JAG1: variants seen among roughly 807,000 people sequenced by gnomAD.
JAG1 encodes the protein protein jagged-1.
JAG1 carries 23 observed loss-of-function variants against 148.7 expected under a neutral mutation model. The observed-to-expected ratio is 0.15, with a 90% confidence interval of 0.11 to 0.22. The LOEUF (loss-of-function observed/expected upper bound fraction) is 0.22, where lower values mean the gene tolerates loss of function less well. Among genes scored for constraint, JAG1 ranks in the 10% least tolerant of loss-of-function variants. JAG1 has a pLI of 1.00. For synonymous variants in JAG1, 572 were observed against 598.3 expected (o/e 0.96, Z 0.64); for missense variants, 1,054 against 1,611.2 (o/e 0.65, Z 5.92).
At chr20:10,667,197 G>A (rs984533822) in intron 2 of JAG1, among the ~76,000 whole-genome samples, 23 of 152,186 alleles carry the variant, frequency 1.5e-4, no homozygotes, top group Non-Finnish European at 2.9e-5. Flanking sequence ...CGCGTGCGGC[G>A]TCCAAAACCC....
chr20:10,652,049 A>T, intron 7 of JAG1, 82 bp downstream of exon 7: 1 of 1,495,960 alleles, frequency 6.7e-7, no homozygotes, highest in Non-Finnish European at 9.3e-7. Context: ...TTTTTTCCTT[A>T]AACAAGTCCT....
At position 10,648,102 on chromosome 20, in the gene JAG1, G is replaced by T; in HGVS notation, c.1578C>A (p.Ile526=). The stretch of plus-strand genomic sequence containing the variant: ...GGCAGGGATTAGGCTCACAATAATC[G>T]ATGTCCAGCTGCAAATATCAGGAAC... ...GFSGNLCQLD[I]DYCEPNPCQN... The change falls in exon 13 of 26, where the codon ATC becomes ATA. Residue 526 remains isoleucine (I), a synonymous_variant. Transcript: ENST00000254958. 6.2e-7 allele frequency: 1 copy of T among 1,614,156 alleles called. No homozygotes were observed. Among genetic ancestry groups the T allele is most frequent in the Non-Finnish European group, 8.5e-7 (1 of 1,180,034 alleles).
At chr20:10,648,519 TTGGCCATC>T (rs2067324349) in intron 12 of JAG1, 22 bp downstream of exon 12, 3 of 1,605,692 alleles carry the variant, frequency 1.9e-6, no homozygotes, top group Non-Finnish European at 2.6e-6. Context: ...CTCTAAAAAC[TTGGCCATC>T]TGAGGTTTTG....
At position 10,673,098 on chromosome 20, in the gene JAG1, C is replaced by A. The variant is rs2067509419; in HGVS notation, c.82-92G>T. 8.6e-7 allele frequency: 1 copy of A among 1,166,512 alleles called. No individual in the cohort carries two copies. Among genetic ancestry groups the A allele is most frequent in the Non-Finnish European group, 1.3e-6 (1 of 797,380 alleles). 72.3% of individuals were successfully genotyped at this position (1,166,512 alleles called of 1,614,324 possible). ...GACTCCCTCCCACTCCCCGCCCCGA[C>A]GAGCCCTCCTCGCCGAGTGAAAATA... On this transcript the variant is annotated intron_variant, in intron 1 of 25. Transcript: ENST00000254958. The surrounding 1 kb of genome is among the most constrained non-coding windows in gnomAD (Gnocchi z 4.7).
rs542831744 is a variant in JAG1, at chr20:10,639,504, G to A, written c.3651C>T (p.Ile1217=). Residue 1217 remains isoleucine (I), a synonymous_variant, in exon 26 of 26, where the codon ATC becomes ATT. Coordinates refer to ENST00000254958, the MANE Select transcript of JAG1 (RefSeq NM_000214.3). The part of the protein sequence containing the change: ...SAQSLNRMEY[I]V ...CGGCAGTGCCCGCGGTCTGCTATAC[G>A]ATGTACTCCATTCGGTTTAAGCTCT... The A allele has an allele frequency of 6.8e-5, 110 of 1,613,868 alleles. No individual in the cohort carries two copies. The highest frequency in any genetic ancestry group is 6.1e-4 in the South Asian group (56 of 91,080).
Position 10,642,571 on chromosome 20 carries a change from G to A in JAG1, c.2489C>T (p.Ala830Val), listed in dbSNP as rs573313946. The A allele has an allele frequency of 5.0e-6, 8 of 1,613,212 alleles. No homozygotes were observed. Among genetic ancestry groups the A allele is most frequent in the Non-Finnish European group, 5.1e-6 (6 of 1,179,302 alleles). The change falls in exon 21 of 26, where the codon GCC becomes GTC. Residue 830 changes from alanine (A) to valine (V), a missense_variant. Ala to Val is a moderately conservative substitution (Grantham distance 64, BLOSUM62 0). Transcript: ENST00000254958. ...NINECQSSPC[A>V]FGATCVDEIN... ...CTCATCCACACAGGTCGCTCCAAAG[G>A]CACAAGGTGAAGACTGGCATTCATT...
chr20:10,652,282 C>T (rs375444021), intron 6 of JAG1, 32 bp from the exon 7 acceptor site: 52 of 1,612,984 alleles, frequency 3.2e-5, no homozygotes, highest in East Asian at 2.5e-4. Context: ...CACTAAGAGA[C>T]GCCTGTGAAG....
rs993411124 is a variant in JAG1, at chr20:10,673,974, C to G, written c.-444G>C. ...CAATGACGCGTGCCCGCCCGGCTCT[C>G]GGAGAAGGACCCGGAGAGCCCGTCT... On this transcript the variant is annotated 5_prime_UTR_variant, in exon 1 of 26. Coordinates refer to ENST00000254958, the MANE Select transcript of JAG1 (RefSeq NM_000214.3). This position sits in a 1 kb window ranked among gnomAD's most constrained non-coding sequence, Gnocchi z 4.7. 2 of 152,172 alleles carry G rather than the reference C, an allele frequency of 1.3e-5. No homozygotes were observed. Among genetic ancestry groups the G allele is most frequent in the African/African-American group, 4.8e-5 (2 of 41,436 alleles). 9.4% of individuals were successfully genotyped at this position (152,172 alleles called of 1,614,324 possible). A position where few individuals can be genotyped will look rare whatever the true frequency, so the allele number is the denominator to read the frequency against.
At chr20:10,648,985 G>T in intron 11 of JAG1, 76 bp downstream of exon 11, 1 of 1,214,696 alleles carries the variant, frequency 8.2e-7, no homozygotes, top group Non-Finnish European at 1.2e-6. Flanking sequence ...CAGGGACAGA[G>T]CTCTCCTAGT....
At position 10,658,257 on chromosome 20, in the gene JAG1, A is replaced by G. The variant is rs144146596; in HGVS notation, c.694+211T>C. ...GCTGTGAGCTGTTGGCAGCCAACAC[A>G]GCACCTGGGGGATGGGGATGCCAGT... is the stretch of plus-strand genomic sequence containing the variant. On this transcript the variant is annotated intron_variant, in intron 4 of 25. Coordinates refer to ENST00000254958, the MANE Select transcript of JAG1 (RefSeq NM_000214.3). Among the ~76,000 whole-genome samples the G allele has an allele frequency of 6.6e-5, 10 of 152,262 alleles. No homozygotes were observed. The East Asian group carries it at 1.9e-3, about 29-fold the overall frequency.
At chr20:10,651,505 C>A in intron 8 of JAG1, 76 bp downstream of exon 8, 1 of 964,722 alleles carries the variant, frequency 1.0e-6, no homozygotes, top group Non-Finnish European at 1.7e-6. Flanking sequence ...ACTGGACAAG[C>A]CTAGGTACCT....
intron 13 of JAG1, 143 bp from the exon 14 acceptor site, chr20:10,647,246 G>A: frequency 1.1e-6 from 1 of 870,180 alleles, no homozygotes; most frequent in African/African-American, 1.7e-5. Flanking sequence ...CCAAGATACT[G>A]GCAACGTGCC....
chr20:10,641,012 G>A, intron 24 of JAG1, 79 bp from the exon 25 acceptor site: 1 of 1,609,838 alleles, frequency 6.2e-7, no homozygotes, highest in Non-Finnish European at 8.5e-7. Flanking sequence ...GACAATCTGT[G>A]TCTGCAAAGC....
chr20:10,646,698 T>C (rs2067311327), intron 14 of JAG1, among the ~76,000 whole-genome samples: 1 of 151,970 alleles, frequency 6.6e-6, no homozygotes, highest in African/African-American at 2.4e-5. Context: ...CGCATGCCTG[T>C]AATCCCAGCT....
At chr20:10,653,366 T>C (rs1002100950) in intron 5 of JAG1, among the ~76,000 whole-genome samples, 2 of 149,274 alleles carry the variant, frequency 1.3e-5, no homozygotes, top group African/African-American at 5.0e-5. Context: ...TCATACTCTT[T>C]TGGGGCCAAA....
chr20:10,640,823 T>C lies in JAG1; in HGVS notation c.3159A>G (p.Ala1053=), dbSNP rs1375329942. ...DGNSSLIAAV[A]EVRVQRRPLK... is the part of the protein sequence containing the mutation. ...GAGGCCGCCTCTGAACTCTTACTTC[T>C]GCAACGGCAGCAATCAGCGAGCTGT... The change falls in exon 25 of 26, where the codon GCA becomes GCG. Residue 1053 remains alanine (A), a synonymous_variant. Transcript: ENST00000254958. The C allele has an allele frequency of 3.1e-6, 5 of 1,614,096 alleles. No homozygotes were observed. In the African/African-American group the frequency reaches 6.7e-5, roughly 22 times the overall value.
In JAG1 at chr20:10,663,265, G is replaced by A. The variant is rs538930003; in HGVS notation, c.439+698C>T. ...TGGCAAAAAGGGAACTTGAAGTTTC[G>A]GCTCGTGAGCGAAAACACTGTAAAG... On this transcript the variant is annotated intron_variant, in intron 3 of 25. Transcript: ENST00000254958. 1.1e-3 allele frequency among the ~76,000 whole-genome samples: 169 copies of A among 152,230 alleles called. 1 individual carries two copies. The highest frequency in any genetic ancestry group is 1.1e-3 in the Non-Finnish European group (74 of 68,032).
intron 2 of JAG1, among the ~76,000 whole-genome samples, chr20:10,671,050 T>C (rs2067491544): frequency 6.6e-6 from 1 of 152,206 alleles, no homozygotes; most frequent in Non-Finnish European, 1.5e-5. Context: ...CTGCTGCTTT[T>C]CCACATCACT....
In JAG1 at chr20:10,648,636, G is replaced by A; in HGVS notation, c.1482C>T (p.Asn494=). The A allele has an allele frequency of 6.2e-7, 1 of 1,614,106 alleles. No individual in the cohort carries two copies. Among genetic ancestry groups the A allele is most frequent in the Non-Finnish European group, 8.5e-7 (1 of 1,179,930 alleles). ...GACAGTGACCCCCATTCAAACAGGG[G>A]TTGCTGGCACATTCATCGATGTCTC... ...CERDIDECAS[N]PCLNGGHCQN... Residue 494 remains asparagine, a synonymous_variant, in exon 12 of 26, where the codon AAC becomes AAT. Coordinates refer to ENST00000254958, the MANE Select transcript of JAG1 (RefSeq NM_000214.3).
Sources: gnomAD v4.1 joint callset for allele counts (sites outside exome capture counted in the v4.1 genomes callset) on GRCh38, gnomAD v4.1.1 for gene constraint, Gnocchi (gnomAD v3.1) non-coding constraint, MANE v1.5 for transcripts, NCBI Gene and HGNC (gene_info 2026-07-23, HGNC 2026-07-21) for gene names.